The following GNAT2 variants were observed in gnomAD, a reference collection of about 807,000 sequenced individuals.
GNAT2 encodes the protein G protein subunit alpha transducin 2.
Under a neutral mutation model 40.9 loss-of-function variants are expected in GNAT2, and 32 were observed. The ratio of observed to expected loss-of-function variants is 0.78; its 90% CI spans 0.59 to 1.05. GNAT2 has a LOEUF of 1.05. Ranked by LOEUF, GNAT2 falls within the 50% of genes least tolerant of loss-of-function variation. The pLI is 0.00. For missense variants in GNAT2, 355 were observed against 431.5 expected (o/e 0.82, Z 1.57); for synonymous variants, 141 against 157.2 (o/e 0.90, Z 0.77).
chr1:109,610,369 T>A, intron 3 of GNAT2, 96 bp downstream of exon 3: 1 of 1,296,072 alleles, frequency 7.7e-7, no homozygotes. Flanking sequence ...ATACCTGGGC[T>A]CCTTGAGGCT....
At position 109,603,949 on chromosome 1, in the gene GNAT2, A is replaced by T; in HGVS notation, c.874+2T>A. The T allele has an allele frequency of 6.3e-7, 1 of 1,596,662 alleles. No individual in the cohort carries two copies. The highest frequency in any genetic ancestry group is 8.6e-7 in the Non-Finnish European group (1 of 1,164,778). ...TTATTATTTCCAGCCCCTGACACTT[A>T]CCATCATACTCTGGAAAACAAATGC... On this transcript the variant is annotated splice_donor_variant, in intron 8 of 8. Coordinates refer to ENST00000679935, the MANE Select transcript of GNAT2 (RefSeq NM_001377295.2). LOFTEE classifies it high-confidence loss of function.
At chr1:109,603,764 A>G (rs1649506262) in intron 8 of GNAT2, 187 bp downstream of exon 8, 2 of 664,262 alleles carry the variant, frequency 3.0e-6, no homozygotes, top group Non-Finnish European at 5.3e-6. Context: ...TTCAGTAGGT[A>G]TCATATGAAG....
chr1:109,609,404 A>G (rs763053164), intron 4 of GNAT2: 12 of 174,504 alleles, frequency 6.9e-5, no homozygotes, highest in Non-Finnish European at 1.2e-4. Context: ...AGTCTGAGGC[A>G]GGAGGATTGC....
intron 1 of GNAT2, chr1:109,613,169 A>G (rs1649853977): frequency 2.5e-6 from 1 of 393,946 alleles, no homozygotes; most frequent in East Asian, 6.2e-5. Context: ...GCAAGGGGTA[A>G]AGACTCAAAT....
chr1:109,603,471 G>T lies in GNAT2; in HGVS notation c.948C>A (p.Val316=). 2 of 1,604,848 alleles carry T rather than the reference G, an allele frequency of 1.2e-6. No individual in the cohort carries two copies. The highest frequency in any genetic ancestry group is 2.2e-5 in the South Asian group (2 of 90,866). Residue 316 remains valine (V), a synonymous_variant, in exon 9 of 9, where the codon GTC becomes GTA. Coordinates refer to ENST00000679935, the MANE Select transcript of GNAT2 (RefSeq NM_001377295.2). Reference sequence around the variant, plus strand: ...AGGTCATGTGACTGTAGATTTCTTTGACATCTTTTCGCATATTGAGGTCAA... The same window carrying T: ...AGGTCATGTGACTGTAGATTTCTTTTACATCTTTTCGCATATTGAGGTCAA... ...QFLDLNMRKD[V]KEIYSHMTCA...
intron 7 of GNAT2, 194 bp downstream of exon 7, chr1:109,605,776 C>T: frequency 1.8e-6 from 1 of 564,824 alleles, no homozygotes; most frequent in Non-Finnish European, 3.3e-6. Context: ...AAATTTGGAG[C>T]TCTAAAATGC....
At position 109,603,491 on chromosome 1, in the gene GNAT2, G is replaced by A. The variant is rs200883344; in HGVS notation, c.928C>T (p.Leu310Phe). Residue 310 changes from leucine (L) to phenylalanine (F), a missense_variant, in exon 9 of 9, where the codon CTC (leucine) becomes TTC (phenylalanine). Leu to Phe is a conservative substitution (Grantham distance 22). Transcript: ENST00000679935. The stretch of plus-strand genomic sequence containing the variant: ...TCTTTGACATCTTTTCGCATATTGA[G>A]GTCAAGGAACTGGCTCTTTATGTAA... The part of the protein sequence containing the change: ...GNYIKSQFLD[L>F]NMRKDVKEIY... The A allele has an allele frequency of 2.0e-4, 326 of 1,609,622 alleles. No homozygotes were observed. Among genetic ancestry groups the A allele is most frequent in the Admixed American group, 3.2e-4 (19 of 60,000 alleles).
At chr1:109,605,843 T>C (rs1301203613) in intron 7 of GNAT2, 127 bp downstream of exon 7, 3 of 824,942 alleles carry the variant, frequency 3.6e-6, no homozygotes, top group South Asian at 1.4e-5. Context: ...GAGACATTGA[T>C]TGGTCTGCTG....
At chr1:109,613,670 G>C (rs1346099861) in intron 1 of GNAT2, 1 of 152,392 alleles carries the variant, frequency 6.6e-6, no homozygotes, top group Non-Finnish European at 1.5e-5. Context: ...GAACCTCTCA[G>C]AACTTGTAGT....
At chr1:109,604,818 A>G (rs1257445619) in intron 7 of GNAT2, 1 of 153,572 alleles carries the variant, frequency 6.5e-6, no homozygotes, top group African/African-American at 2.4e-5. Flanking sequence ...TTATCTAATA[A>G]AGCAAGAACA....
In GNAT2 at chr1:109,612,892, T is replaced by C. The variant is rs1333665410; in HGVS notation, c.-22A>G. Reference sequence around the variant, plus strand: ...CCATATTTGCCGTCTTGTCAGCTTTTTCAGGCCCCTAATCCTCTCTCGTAA... The same window carrying C: ...CCATATTTGCCGTCTTGTCAGCTTTCTCAGGCCCCTAATCCTCTCTCGTAA... On this transcript the variant is annotated 5_prime_UTR_variant, in exon 2 of 9. Coordinates refer to ENST00000679935, the MANE Select transcript of GNAT2 (RefSeq NM_001377295.2). 1.5e-5 allele frequency: 22 copies of C among 1,444,164 alleles called. No homozygotes were observed. Among genetic ancestry groups the C allele is most frequent in the Admixed American group, 6.7e-5 (4 of 59,808 alleles). 89.5% of individuals were successfully genotyped at this position (1,444,164 alleles called of 1,614,324 possible).
At chr1:109,612,516 G>A (rs1028765695) in intron 2 of GNAT2, 13 of 522,586 alleles carry the variant, frequency 2.5e-5, no homozygotes, top group East Asian at 1.9e-4. Context: ...ACTATTCCTC[G>A]CTCAAGAGTA....
At chr1:109,604,136 G>T in intron 7 of GNAT2, 32 bp from the exon 8 acceptor site, 1 of 1,575,916 alleles carries the variant, frequency 6.3e-7, no homozygotes, top group Non-Finnish European at 8.7e-7. Flanking sequence ...GGAAATATCA[G>T]ATTTGGCTTA....
At position 109,610,056 on chromosome 1, in the gene GNAT2, G is replaced by C; in HGVS notation, c.287C>G (p.Ala96Gly). ...RAMTTLGIDY[A>G]EPSCADDGRQ... ...ATCACATACCGCACAGCTTGGTTCAGCATAATCGATGCCCAGTGTGGTCAT... is the reference window on the plus strand; with the variant it reads ...ATCACATACCGCACAGCTTGGTTCACCATAATCGATGCCCAGTGTGGTCAT... The change falls in exon 4 of 9, where the codon GCT (alanine) becomes GGT (glycine). Residue 96 changes from alanine (A) to glycine (G), a missense_variant. Physicochemically the swap from Ala to Gly is moderately conservative, Grantham distance 60. Transcript: ENST00000679935. 1 of 1,614,046 alleles carries C rather than the reference G, an allele frequency of 6.2e-7. No homozygotes were observed. The highest frequency in any genetic ancestry group is 8.5e-7 in the Non-Finnish European group (1 of 1,179,900).
Position 109,603,968 on chromosome 1 carries a change from C to G in GNAT2, c.857G>C (p.Cys286Ser). The G allele has an allele frequency of 6.2e-7, 1 of 1,609,576 alleles. No homozygotes were observed. Among genetic ancestry groups the G allele is most frequent in the Non-Finnish European group, 8.5e-7 (1 of 1,176,132 alleles). The change falls in exon 8 of 9, where the codon TGT (cysteine) becomes TCT (serine). Residue 286 changes from cysteine to serine, a missense_variant. By Grantham distance (112) the Cys-to-Ser change is moderately radical (BLOSUM62 -1). Coordinates refer to ENST00000679935, the MANE Select transcript of GNAT2 (RefSeq NM_001377295.2). ...EKIKKVHLSI[C>S]FPEYDGNNSY... is the part of the protein sequence containing the mutation. ...ACACTTACCATCATACTCTGGAAAA[C>G]AAATGCTGAGATGGACTTTCTTGAT...
At chr1:109,612,567 G>A (rs1204509392) in intron 2 of GNAT2, 186 bp downstream of exon 2, 1 of 650,254 alleles carries the variant, frequency 1.5e-6, no homozygotes, top group African/African-American at 1.8e-5. Flanking sequence ...GATCCCCTTG[G>A]GGTGGCTGTT....
At chr1:109,607,495 A>C (rs181710440) in intron 5 of GNAT2, 10 of 151,336 alleles carry the variant, frequency 6.6e-5, no homozygotes, top group Admixed American at 6.6e-4. Flanking sequence ...AACTGAGATG[A>C]CTGAGAGGAG....
intron 4 of GNAT2, chr1:109,609,579 C>T: frequency 3.8e-6 from 1 of 263,540 alleles, no homozygotes; most frequent in Non-Finnish European, 7.4e-6. Context: ...TTGCAGTGAG[C>T]CATGATCACA....
chr1:109,618,587 A>G (rs904524091), intron 1 of GNAT2, among the ~76,000 whole-genome samples: 1 of 152,256 alleles, frequency 6.6e-6, no homozygotes, highest in Non-Finnish European at 1.5e-5. Flanking sequence ...CAAGGCCACC[A>G]GTAATGTGTT....
Sources: gnomAD v4.1 joint callset for allele counts (sites outside exome capture counted in the v4.1 genomes callset) on GRCh38, gnomAD v4.1.1 for gene constraint, MANE v1.5 for transcripts, NCBI Gene and HGNC (gene_info 2026-07-23, HGNC 2026-07-21) for gene names.